The following CEP63 variants were observed in gnomAD, a reference collection of about 807,000 sequenced individuals.
The protein encoded by CEP63 is centrosomal protein of 63 kDa.
CEP63 carries 84 observed loss-of-function variants against 89.1 expected under a neutral mutation model. The observed-to-expected ratio is 0.94, with a 90% confidence interval of 0.79 to 1.13. The LOEUF is 1.13. Ranked by LOEUF, CEP63 falls within the 50% of genes most tolerant of loss-of-function variation. The pLI, the probability that CEP63 is intolerant of heterozygous loss-of-function variation, is 0.00. For synonymous variants in CEP63, 267 were observed against 272.5 expected, an observed-to-expected ratio of 0.98 and a Z score of 0.20; for missense variants, 838 against 813.3, an observed-to-expected ratio of 1.03 and a Z score of -0.37.
chr3:134,748,241 C>T, the CEP63 span, among the ~76,000 whole-genome samples: 46 of 152,236 alleles, frequency 3.0e-4, no homozygotes, highest in South Asian at 1.0e-3. Context: ...TTCACCAAAT[C>T]GTCCCTCTCC....
At position 134,550,198 on chromosome 3, in the gene CEP63, G is replaced by A. The variant is rs531082888; in HGVS notation, c.1318G>A (p.Asp440Asn). ...TIASTKGSSS[D>N]MEKRLRAEMQ... ...TGCTTCCACCAAAGGTTCTTCCTCA[G>A]ACATGGAAAAGCGACTCAGAGCAGA... Residue 440 changes from aspartate (D) to asparagine (N), a missense_variant, in exon 11 of 15, where the codon GAC becomes AAC. Asp to Asn is a conservative substitution (Grantham distance 23, BLOSUM62 1). Coordinates refer to ENST00000675561, the MANE Select transcript of CEP63 (RefSeq NM_001353108.3). 9.9e-6 allele frequency: 16 copies of A among 1,612,466 alleles called. No individual in the cohort carries two copies. The highest frequency in any genetic ancestry group is 8.5e-7 in the Non-Finnish European group (1 of 1,179,428).
At chr3:134,777,695 C>T in the CEP63 span, among the ~76,000 whole-genome samples, 1 of 147,746 alleles carries the variant, frequency 6.8e-6, no homozygotes, top group African/African-American at 2.5e-5. Flanking sequence ...CTCGCTGCAA[C>T]CTCCGCCTCT....
the CEP63 span, among the ~76,000 whole-genome samples, chr3:134,742,399 C>T: frequency 6.6e-6 from 1 of 151,950 alleles, no homozygotes. Flanking sequence ...TGGTGAACAC[C>T]AGGAGAGGAA....
At chr3:134,598,242 A>G in the CEP63 span, among the ~76,000 whole-genome samples, 3,878 of 152,254 alleles carry the variant, frequency 0.025, 140 homozygotes, top group African/African-American at 0.08. Flanking sequence ...GTGCATAACT[A>G]TTATGCCTCT....
chr3:134,519,719 C>T (rs981365927), intron 3 of CEP63, among the ~76,000 whole-genome samples: 1 of 152,058 alleles, frequency 6.6e-6, no homozygotes, highest in African/African-American at 2.4e-5. Flanking sequence ...AAACTAAATC[C>T]AGCAATATTT....
At chr3:134,676,274 C>T in the CEP63 span, among the ~76,000 whole-genome samples, 1 of 152,064 alleles carries the variant, frequency 6.6e-6, no homozygotes, top group African/African-American at 2.4e-5. Flanking sequence ...GTGATACATG[C>T]CACAACATGG....
At chr3:134,759,901 T>C in the CEP63 span, among the ~76,000 whole-genome samples, 1 of 152,230 alleles carries the variant, frequency 6.6e-6, no homozygotes, top group African/African-American at 2.4e-5. Context: ...TTCTTATCCC[T>C]GTTTTGCAGA....
At chr3:134,570,900 A>G (rs755261410) in intron 11 of CEP63, among the ~76,000 whole-genome samples, 1 of 152,196 alleles carries the variant, frequency 6.6e-6, no homozygotes, top group Non-Finnish European at 1.5e-5. Flanking sequence ...CACATCTTAC[A>G]TGGAGGGCAG....
chr3:134,512,515 C>T (rs866544999), intron 3 of CEP63, among the ~76,000 whole-genome samples: 1 of 152,086 alleles, frequency 6.6e-6, no homozygotes, highest in Non-Finnish European at 1.5e-5. Flanking sequence ...TATATTTATA[C>T]TTGTCACAGT....
chr3:134,679,372 G>A, the CEP63 span, among the ~76,000 whole-genome samples: 10 of 152,120 alleles, frequency 6.6e-5, no homozygotes, highest in Admixed American at 1.3e-4. Flanking sequence ...CTTGATGTAA[G>A]CATCTGAACA....
At chr3:134,560,730 T>G (rs371524874) in intron 14 of CEP63, among the ~76,000 whole-genome samples, 1 of 152,234 alleles carries the variant, frequency 6.6e-6, no homozygotes, top group East Asian at 1.9e-4. Flanking sequence ...GTGTGGGGTA[T>G]GTGTGTATGT....
the CEP63 span, among the ~76,000 whole-genome samples, chr3:134,781,641 A>C: frequency 6.6e-6 from 1 of 152,240 alleles, no homozygotes; most frequent in Non-Finnish European, 1.5e-5. Context: ...CTGGAACCTA[A>C]AGTAAAAGTA....
the CEP63 span, among the ~76,000 whole-genome samples, chr3:134,729,067 T>G: frequency 1.3e-5 from 2 of 152,190 alleles, no homozygotes; most frequent in African/African-American, 2.4e-5. Flanking sequence ...CTTACAACAT[T>G]TTGTGGTAGG....
chr3:134,577,408 T>G (rs910218795), downstream of CEP63, among the ~76,000 whole-genome samples: 1 of 151,652 alleles, frequency 6.6e-6, no homozygotes, highest in Non-Finnish European at 1.5e-5. Flanking sequence ...ACCAAAAACT[T>G]TTTTGTGGCC....
intron 6 of CEP63, among the ~76,000 whole-genome samples, chr3:134,541,844 G>A (rs1346854980): frequency 6.6e-6 from 1 of 152,012 alleles, no homozygotes; most frequent in Non-Finnish European, 1.5e-5. Context: ...GTAATGGGGG[G>A]ATGTTTGTTC....
rs181828481 is a variant in CEP63, at chr3:134,545,674, G to A, written c.644G>A (p.Arg215Gln). The part of the protein sequence containing the change: ...EIQHLSSKLE[R>Q]ANDTICANEL... ...CAACACTTAAGCAGTAAACTGGAGCGGGCTAATGACACTATCTGTGCCAAT... is the reference window on the plus strand; with the variant it reads ...CAACACTTAAGCAGTAAACTGGAGCAGGCTAATGACACTATCTGTGCCAAT... Residue 215 changes from arginine (R) to glutamine (Q), a missense_variant, in exon 7 of 15, where the codon CGG (arginine) becomes CAG (glutamine). Coordinates refer to ENST00000675561, the MANE Select transcript of CEP63 (RefSeq NM_001353108.3). 9.3e-6 allele frequency: 15 copies of A among 1,614,036 alleles called. No homozygotes were observed. The highest frequency in any genetic ancestry group is 1.6e-4 in the Middle Eastern group (1 of 6,062).
chr3:134,722,432 A>G, the CEP63 span, among the ~76,000 whole-genome samples: 1 of 151,990 alleles, frequency 6.6e-6, no homozygotes, highest in Non-Finnish European at 1.5e-5. Flanking sequence ...AATAACTTGA[A>G]TCTTCTCCCT....
At chr3:134,758,169 G>A in the CEP63 span, among the ~76,000 whole-genome samples, 1 of 152,094 alleles carries the variant, frequency 6.6e-6, no homozygotes, top group Non-Finnish European at 1.5e-5. Flanking sequence ...CAAACTCCAA[G>A]TGTAAACTCC....
At chr3:134,597,691 T>G in the CEP63 span, 1 of 152,382 alleles carries the variant, frequency 6.6e-6, no homozygotes, top group Admixed American at 6.5e-5. Context: ...AATACAAATC[T>G]TTGTTTTGGA....
Sources: allele counts gnomAD v4.1 joint callset (sites outside exome capture counted in the v4.1 genomes callset), GRCh38; gene constraint gnomAD v4.1.1; transcripts MANE v1.5; gene names NCBI Gene and HGNC (gene_info 2026-07-23, HGNC 2026-07-21).